SPATA16: variants seen among roughly 807,000 people sequenced by gnomAD.
SPATA16 encodes spermatogenesis-associated protein 16.
In SPATA16, 36 loss-of-function variants were observed where a neutral mutation model predicts 63.3. The ratio of observed to expected loss-of-function variants is 0.57; its 90% CI spans 0.44 to 0.75. SPATA16 has a LOEUF of 0.75. SPATA16 is among the 30% of genes least tolerant of loss of function. The probability of loss-of-function intolerance (pLI) is 0.00; values close to 1 mark genes in which losing one functional copy is unlikely to be tolerated. For missense variants in SPATA16, 646 were observed against 679.3 expected, an observed-to-expected ratio of 0.95 and a Z score of 0.54; for synonymous variants, 203 against 216.7, an observed-to-expected ratio of 0.94 and a Z score of 0.56.
chr3:173,028,626 A>G (rs1406456792), intron 3 of SPATA16, among the ~76,000 whole-genome samples: 1 of 152,084 alleles, frequency 6.6e-6, no homozygotes, highest in Admixed American at 6.6e-5. Context: ...CATTTTATAA[A>G]GATAATCATG....
At chr3:172,968,614 C>G (rs767436374) in intron 5 of SPATA16, among the ~76,000 whole-genome samples, 6 of 152,186 alleles carry the variant, frequency 3.9e-5, no homozygotes, top group East Asian at 1.9e-4. Flanking sequence ...CTCTCTCCCC[C>G]CTTTCTTCCC....
chr3:173,094,018 T>A (rs934385867), intron 2 of SPATA16, among the ~76,000 whole-genome samples: 1 of 151,568 alleles, frequency 6.6e-6, no homozygotes, highest in Non-Finnish European at 1.5e-5. Context: ...GCTCTCTCTG[T>A]TCCTTCTCTA....
chr3:173,056,705 CAAA>C (rs71162325), intron 2 of SPATA16, among the ~76,000 whole-genome samples: 14 of 73,590 alleles, frequency 1.9e-4, no homozygotes, highest in Non-Finnish European at 2.2e-4. Flanking sequence ...ACTCTTGTTT[CAAA>C]AAAAAAAAAA....
In SPATA16 at chr3:173,110,992, A is replaced by G. The variant is rs116227838; in HGVS notation, c.612+6128T>C. On this transcript the variant is annotated intron_variant, in intron 2 of 10. Transcript: ENST00000351008. ...TAATGCATCTGAATCTGCATTTTTA[A>G]CAAGATTACTATAGAATTTTTATGC... Among the ~76,000 whole-genome samples, 911 of 152,332 alleles carry G rather than the reference A, an allele frequency of 6.0e-3. 12 individuals carry two copies. The highest frequency in any genetic ancestry group is 0.021 in the African/African-American group (864 of 41,586).
At position 172,916,496 on chromosome 3, in the gene SPATA16, A is replaced by C; in HGVS notation, c.1339-15T>G. The C allele has an allele frequency of 6.2e-7, 1 of 1,613,476 alleles. No homozygotes were observed. The highest frequency in any genetic ancestry group is 8.5e-7 in the Non-Finnish European group (1 of 1,179,518). ...GGAAAACTCCCCTAGTCTCAAAGTA[A>C]AAGAAATGTTTTAGAACAAAACCAC... On this transcript the variant is annotated splice_polypyrimidine_tract_variant and intron_variant, in intron 8 of 10. Coordinates refer to ENST00000351008, the MANE Select transcript of SPATA16 (RefSeq NM_031955.6).
chr3:172,987,624 C>T (rs989110357), intron 4 of SPATA16, among the ~76,000 whole-genome samples: 7 of 152,186 alleles, frequency 4.6e-5, no homozygotes, highest in African/African-American at 7.2e-5. Context: ...CATATTAGGT[C>T]ATGCTGAAAG....
chr3:173,068,240 T>G (rs1370282900), intron 2 of SPATA16, among the ~76,000 whole-genome samples: 14 of 152,236 alleles, frequency 9.2e-5, no homozygotes, highest in Admixed American at 9.2e-4. Context: ...ATATCTTTAG[T>G]AGGAAGACTA....
chr3:172,975,266 A>T (rs1037491905), intron 5 of SPATA16, among the ~76,000 whole-genome samples: 2 of 152,180 alleles, frequency 1.3e-5, no homozygotes, highest in Admixed American at 6.5e-5. Flanking sequence ...TATTTACGAA[A>T]CTTCCAAGGT....
chr3:173,064,866 G>A (rs1264641942), intron 2 of SPATA16, among the ~76,000 whole-genome samples: 1 of 151,976 alleles, frequency 6.6e-6, no homozygotes, highest in African/African-American at 2.4e-5. Context: ...TGAAAAATCG[G>A]GATTGATAAT....
chr3:173,023,843 C>T lies in SPATA16; in HGVS notation c.759-4268G>A, dbSNP rs1050951112. ...TGTCAATATGTCTATATTCACATAT[C>T]TATGTATATGCACACACATATTTGC... is the stretch of plus-strand genomic sequence containing the variant. On this transcript the variant is annotated intron_variant, in intron 3 of 10. Transcript: ENST00000351008. 5.3e-5 allele frequency among the ~76,000 whole-genome samples: 8 copies of T among 151,346 alleles called. No homozygotes were observed. The East Asian group carries it at 1.5e-3, about 29-fold the overall frequency.
At chr3:172,971,842 C>T (rs1734053540) in intron 5 of SPATA16, among the ~76,000 whole-genome samples, 2 of 151,974 alleles carry the variant, frequency 1.3e-5, no homozygotes, top group South Asian at 4.2e-4. Flanking sequence ...GTAAATGCCT[C>T]CTGGTAGGCC....
intron 6 of SPATA16, among the ~76,000 whole-genome samples, chr3:172,927,917 CTTTT>C (rs531763924): frequency 8.7e-5 from 13 of 149,896 alleles, no homozygotes; most frequent in Admixed American, 3.3e-4. Context: ...CTTTTTTTTT[CTTTT>C]TTTTTGAGAT....
At chr3:172,982,780 CTT>C (rs1734350749) in intron 4 of SPATA16, among the ~76,000 whole-genome samples, 1 of 152,112 alleles carries the variant, frequency 6.6e-6, no homozygotes, top group Non-Finnish European at 1.5e-5. Flanking sequence ...ATGTTAGGTG[CTT>C]TTACAGATTG....
chr3:173,072,324 A>C (rs1736694372), intron 2 of SPATA16, among the ~76,000 whole-genome samples: 1 of 152,174 alleles, frequency 6.6e-6, no homozygotes, highest in African/African-American at 2.4e-5. Flanking sequence ...CAGAAAACCA[A>C]ATACTGCCTG....
chr3:172,956,829 G>A lies in SPATA16; in HGVS notation c.934-5C>T, dbSNP rs766000019. Reference sequence around the variant, plus strand: ...GATGGCTTCCTCAATCATGGCCTAAGAGGAAACAAACAACCCATTTGGCAT... The same window carrying A: ...GATGGCTTCCTCAATCATGGCCTAAAAGGAAACAAACAACCCATTTGGCAT... On this transcript the variant is annotated splice_region_variant and splice_polypyrimidine_tract_variant and intron_variant, in intron 5 of 10. Coordinates refer to ENST00000351008, the MANE Select transcript of SPATA16 (RefSeq NM_031955.6). The A allele has an allele frequency of 6.2e-7, 1 of 1,612,982 alleles. No homozygotes were observed. The highest frequency in any genetic ancestry group is 8.5e-7 in the Non-Finnish European group (1 of 1,179,450).
At chr3:173,009,916 G>A (rs939833610) in intron 4 of SPATA16, among the ~76,000 whole-genome samples, 3 of 152,200 alleles carry the variant, frequency 2.0e-5, no homozygotes, top group Non-Finnish European at 4.4e-5. Flanking sequence ...CCCTTTAGAC[G>A]TTTCCCTTTG....
intron 2 of SPATA16, among the ~76,000 whole-genome samples, chr3:173,096,495 A>G (rs1435609405): frequency 6.6e-6 from 1 of 152,174 alleles, no homozygotes; most frequent in Non-Finnish European, 1.5e-5. Context: ...ATTCATAATA[A>G]GAGAAATGCA....
chr3:172,957,531 T>G (rs188364049), intron 5 of SPATA16, among the ~76,000 whole-genome samples: 30 of 152,346 alleles, frequency 2.0e-4, no homozygotes, highest in African/African-American at 6.0e-4. Context: ...ATGTGAAGTT[T>G]TAAGAGGAAC....
At chr3:173,117,884 A>G in intron 1 of SPATA16, 135 bp from the exon 2 acceptor site, 1 of 1,383,604 alleles carries the variant, frequency 7.2e-7, no homozygotes, top group South Asian at 1.3e-5. Context: ...AACTGTATTT[A>G]CATAATCTAC....
Sources: allele counts gnomAD v4.1 joint callset (sites outside exome capture counted in the v4.1 genomes callset), GRCh38; gene constraint gnomAD v4.1.1; transcripts MANE v1.5; gene names NCBI Gene and HGNC (gene_info 2026-07-23, HGNC 2026-07-21).